SLCO3A1: variants seen among roughly 807,000 people sequenced by gnomAD.
SLCO3A1 encodes PGE1 transporter.
SLCO3A1 carries 27 observed loss-of-function variants against 63.1 expected under a neutral mutation model. The ratio of observed to expected loss-of-function variants is 0.43; its 90% confidence interval spans 0.32 to 0.59. The LOEUF (loss-of-function observed/expected upper bound fraction) is 0.59, where lower values mean the gene tolerates loss of function less well. SLCO3A1 is among the 20% of genes least tolerant of loss of function. The pLI is 0.09. For missense variants in SLCO3A1, 773 were observed against 945.8 expected (o/e 0.82, Z 2.40); for synonymous variants, 473 against 409.9 (o/e 1.15, Z -1.86).
At chr15:91,936,613 GT>G (rs1245540124) in intron 2 of SLCO3A1, among the ~76,000 whole-genome samples, 2 of 152,178 alleles carry the variant, frequency 1.3e-5, no homozygotes, top group Non-Finnish European at 2.9e-5. Context: ...AAGAATGCAT[GT>G]CGTGCGGCTT....
intron 2 of SLCO3A1, among the ~76,000 whole-genome samples, chr15:91,981,909 C>T (rs2045992545): frequency 6.6e-6 from 1 of 152,232 alleles, no homozygotes; most frequent in Admixed American, 6.5e-5. Flanking sequence ...GCCCATGGAC[C>T]CTCAAAGCAG....
intron 7 of SLCO3A1, among the ~76,000 whole-genome samples, chr15:92,133,468 C>T (rs545650277): frequency 5.5e-5 from 8 of 145,980 alleles, no homozygotes; most frequent in African/African-American, 2.0e-4. Context: ...GGAACTGGGC[C>T]GCACAGCAGG....
chr15:91,962,925 G>A (rs912749670), intron 2 of SLCO3A1, among the ~76,000 whole-genome samples: 7 of 151,558 alleles, frequency 4.6e-5, no homozygotes, highest in African/African-American at 1.7e-4. Flanking sequence ...TACTTTCTAA[G>A]CTGTATGTCT....
At chr15:92,086,426 A>G (rs946229530) in intron 2 of SLCO3A1, among the ~76,000 whole-genome samples, 3 of 152,178 alleles carry the variant, frequency 2.0e-5, no homozygotes, top group African/African-American at 2.4e-5. Context: ...TGAAATGCCT[A>G]TTAAGGTTTC....
chr15:91,910,355 T>C (rs1898445539), intron 1 of SLCO3A1, among the ~76,000 whole-genome samples: 1 of 152,242 alleles, frequency 6.6e-6, no homozygotes, highest in African/African-American at 2.4e-5. Flanking sequence ...AGATTGTTTC[T>C]TTCTGCTGTC....
downstream of SLCO3A1, among the ~76,000 whole-genome samples, chr15:92,166,225 C>T (rs901140344): frequency 1.3e-5 from 2 of 152,148 alleles, no homozygotes; most frequent in African/African-American, 4.8e-5. Flanking sequence ...CTCCAGAAGG[C>T]CACAGCATGG....
At chr15:91,879,286 G>C (rs1897489710) in intron 1 of SLCO3A1, among the ~76,000 whole-genome samples, 1 of 143,380 alleles carries the variant, frequency 7.0e-6, no homozygotes, top group Admixed American at 7.2e-5. Flanking sequence ...CTTGGTATCT[G>C]TCACTTATTT....
At chr15:91,992,526 C>A (rs1004110280) in intron 2 of SLCO3A1, among the ~76,000 whole-genome samples, 14 of 152,196 alleles carry the variant, frequency 9.2e-5, no homozygotes, top group Admixed American at 7.9e-4. Context: ...AGCCAGTGAT[C>A]CTTCTAAACC....
rs1471681321 is a variant in SLCO3A1, at chr15:91,968,712, G to C, written c.646+52254G>C. Among the ~76,000 whole-genome samples the C allele has an allele frequency of 6.6e-6, 1 of 152,168 alleles. No homozygotes were observed. Among genetic ancestry groups the C allele is most frequent in the African/African-American group, 2.4e-5 (1 of 41,424 alleles). ...ACGCAGACCCGCAAGCACAGCCTTC[G>C]CACGTGTGCTCACACAGCCGCAGTA... On this transcript the variant is annotated intron_variant, in intron 2 of 9. Transcript: ENST00000318445. This position sits in a 1 kb window ranked among gnomAD's most constrained non-coding sequence, Gnocchi z 4.2.
At chr15:91,888,330 A>T (rs1451303181) in intron 1 of SLCO3A1, among the ~76,000 whole-genome samples, 1 of 152,160 alleles carries the variant, frequency 6.6e-6, no homozygotes, top group African/African-American at 2.4e-5. Flanking sequence ...CTCTTATTAC[A>T]TCCTGAGCAT....
chr15:91,999,804 T>C (rs2046232073), intron 2 of SLCO3A1, among the ~76,000 whole-genome samples: 1 of 152,080 alleles, frequency 6.6e-6, no homozygotes, highest in Admixed American at 6.5e-5. Context: ...AGAAAAAAAA[T>C]TGTAAGATCA....
intron 2 of SLCO3A1, among the ~76,000 whole-genome samples, chr15:91,935,587 A>T (rs1015138986): frequency 2.0e-5 from 3 of 152,170 alleles, no homozygotes; most frequent in African/African-American, 7.2e-5. Flanking sequence ...GATGTGCTAG[A>T]CATGGAGTAA....
rs968528452 is a variant in SLCO3A1 at position 91,882,879 on chromosome 15, C to T, written c.180+28791C>T. Among the ~76,000 whole-genome samples the T allele has an allele frequency of 8.6e-6, 1 of 116,124 alleles. No individual in the cohort carries two copies. Among genetic ancestry groups the T allele is most frequent in the African/African-American group, 3.5e-5 (1 of 28,958 alleles). 76.2% of individuals were successfully genotyped at this position (116,124 alleles called of 152,430 possible). A position where few individuals can be genotyped will look rare whatever the true frequency, so the allele number is the denominator to read the frequency against. On this transcript the variant is annotated intron_variant, in intron 1 of 9. Coordinates refer to ENST00000318445, the MANE Select transcript of SLCO3A1 (RefSeq NM_013272.4). The surrounding 1 kb of genome is among the most constrained non-coding windows in gnomAD (Gnocchi z 4.4). ...ATATGTGCGATAAGTATAACCTCAT[C>T]AAGATTTCCTTGCAATTAGGTATCA...
intron 2 of SLCO3A1, among the ~76,000 whole-genome samples, chr15:92,050,218 C>G (rs186690347): frequency 6.6e-6 from 1 of 152,326 alleles, no homozygotes; most frequent in East Asian, 1.9e-4. Flanking sequence ...CACCTGTGGC[C>G]TTTTCAGTGC....
At position 91,856,034 on chromosome 15, in the gene SLCO3A1, C is replaced by A. The variant is rs1468222465; in HGVS notation, c.180+1946C>A. 1.3e-5 allele frequency among the ~76,000 whole-genome samples: 2 copies of A among 152,012 alleles called. No individual in the cohort carries two copies. Among genetic ancestry groups the A allele is most frequent in the Non-Finnish European group, 2.9e-5 (2 of 68,010 alleles). ...TGCAACTAGATGAATGGCCTAGCTC[C>A]TTTAGAAAGTTAAGAAGCCGAGTAC... is the stretch of plus-strand genomic sequence containing the variant. On this transcript the variant is annotated intron_variant, in intron 1 of 9. Coordinates refer to ENST00000318445, the MANE Select transcript of SLCO3A1 (RefSeq NM_013272.4). The surrounding 1 kb of genome is among the most constrained non-coding windows in gnomAD (Gnocchi z 4.9).
At chr15:91,937,831 G>A (rs193109015) in intron 2 of SLCO3A1, among the ~76,000 whole-genome samples, 78 of 152,254 alleles carry the variant, frequency 5.1e-4, no homozygotes, top group African/African-American at 1.8e-3. Context: ...GAGACAATGA[G>A]AACAGGATAT....
chr15:92,008,244 G>T (rs1187386321), intron 2 of SLCO3A1, among the ~76,000 whole-genome samples: 1 of 152,128 alleles, frequency 6.6e-6, no homozygotes. Context: ...GGTCTGATTT[G>T]ATCAAAACCT....
At chr15:92,002,210 A>T (rs1162803952) in intron 2 of SLCO3A1, among the ~76,000 whole-genome samples, 1 of 152,152 alleles carries the variant, frequency 6.6e-6, no homozygotes, top group Non-Finnish European at 1.5e-5. Context: ...TTCGCAAGGA[A>T]AGAAGGCACC....
chr15:91,991,166 T>C (rs1358708091), intron 2 of SLCO3A1, among the ~76,000 whole-genome samples: 2 of 152,102 alleles, frequency 1.3e-5, no homozygotes, highest in African/African-American at 2.4e-5. Context: ...GCCCAGAAGT[T>C]CGAGACCAGC....
Sources: allele counts gnomAD v4.1 joint callset (sites outside exome capture counted in the v4.1 genomes callset), GRCh38; gene constraint gnomAD v4.1.1; non-coding constraint Gnocchi (gnomAD v3.1); transcripts MANE v1.5; gene names NCBI Gene and HGNC (gene_info 2026-07-23, HGNC 2026-07-21).